SPEN: variants seen among roughly 807,000 people sequenced by gnomAD.
The protein encoded by SPEN is spen family transcriptional repressor.
A neutral mutation model predicts 269.9 loss-of-function variants in SPEN; 18 were observed. The observed-to-expected ratio is 0.07, with a 90% CI of 0.05 to 0.10. The LOEUF (loss-of-function observed/expected upper bound fraction) is 0.10. Ranked by LOEUF, SPEN falls within the 10% of genes least tolerant of loss-of-function variation. SPEN has a pLI of 1.00. For missense variants in SPEN, 3,822 were observed against 4,631.2 expected (o/e 0.83, Z 5.07); for synonymous variants, 1,726 against 1,765.7 (o/e 0.98, Z 0.56).
chr1:15,875,707 T>G (rs986614607), intron 2 of SPEN, among the ~76,000 whole-genome samples: 1 of 152,224 alleles, frequency 6.6e-6, no homozygotes, highest in Non-Finnish European at 1.5e-5. Context: ...TTTTCTGGAC[T>G]TCTTGAAAGT....
chr1:15,895,050 G>A (rs1372508695), intron 3 of SPEN, among the ~76,000 whole-genome samples: 2 of 152,010 alleles, frequency 1.3e-5, no homozygotes, highest in Non-Finnish European at 2.9e-5. Flanking sequence ...AGCCTCCTGA[G>A]TAGCTGGGAA....
intron 11 of SPEN, 110 bp downstream of exon 11, chr1:15,936,376 T>TA: frequency 7.2e-7 from 1 of 1,398,456 alleles, no homozygotes; most frequent in Non-Finnish European, 9.3e-7. Flanking sequence ...TGTGGTGGCT[T>TA]ATGCCTGTAA....
intron 3 of SPEN, among the ~76,000 whole-genome samples, chr1:15,892,259 C>T (rs966094511): frequency 1.3e-5 from 2 of 152,044 alleles, no homozygotes; most frequent in African/African-American, 4.8e-5. Flanking sequence ...CTCCTGACCT[C>T]GTGATCCGCC....
intron 1 of SPEN, among the ~76,000 whole-genome samples, chr1:15,852,945 C>T (rs369826775): frequency 3.7e-4 from 56 of 152,296 alleles, no homozygotes; most frequent in Middle Eastern, 3.4e-3. Context: ...CAGCCTTGAC[C>T]TCCCAAGCTC....
At chr1:15,857,863 C>G (rs1030545045) in intron 1 of SPEN, among the ~76,000 whole-genome samples, 1 of 151,988 alleles carries the variant, frequency 6.6e-6, no homozygotes, top group Non-Finnish European at 1.5e-5. Flanking sequence ...GGTCCAGTGG[C>G]TCACACCTGT....
intron 1 of SPEN, among the ~76,000 whole-genome samples, chr1:15,855,888 T>G (rs944378256): frequency 6.6e-6 from 1 of 151,630 alleles, no homozygotes; most frequent in Non-Finnish European, 1.5e-5. Flanking sequence ...TTATGCTGTT[T>G]GCAGTGAAGG....
intron 1 of SPEN, among the ~76,000 whole-genome samples, chr1:15,852,157 G>A (rs2070342353): frequency 6.6e-6 from 1 of 151,980 alleles, no homozygotes; most frequent in African/African-American, 2.4e-5. Context: ...TCCTTTTCCT[G>A]ACTACTAGGG....
intron 3 of SPEN, among the ~76,000 whole-genome samples, chr1:15,887,154 T>A (rs2070743475): frequency 6.6e-6 from 1 of 152,088 alleles, no homozygotes; most frequent in African/African-American, 2.4e-5. Flanking sequence ...TTTTGTATTT[T>A]TTGTAGAGAT....
intron 11 of SPEN, among the ~76,000 whole-genome samples, chr1:15,936,767 T>C (rs2071279336): frequency 6.6e-6 from 1 of 152,146 alleles, no homozygotes; most frequent in African/African-American, 2.4e-5. Flanking sequence ...TGAAACTCTG[T>C]CCCTACTTAA....
Position 15,929,280 on chromosome 1 carries a change from G to C in SPEN, c.3040G>C (p.Val1014Leu). 6.2e-7 allele frequency: 1 copy of C among 1,614,144 alleles called. No homozygotes were observed. ...KSSPEMEDAR[V>L]LSKKQPDVSS... ...CAGTCCAGAGATGGAGGATGCTCGCGTGCTTTCAAAAAAGCAGCCTGACGT... is the reference window on the plus strand; with the variant it reads ...CAGTCCAGAGATGGAGGATGCTCGCCTGCTTTCAAAAAAGCAGCCTGACGT... The change falls in exon 11 of 15, where the codon GTG (valine) becomes CTG (leucine). Residue 1014 changes from valine (V) to leucine (L), a missense_variant. By Grantham distance (32) the Val-to-Leu change is conservative. Transcript: ENST00000375759. This position sits in a 1 kb window ranked among gnomAD's most constrained non-coding sequence, Gnocchi z 5.8.
chr1:15,911,471 T>G (rs2071011485), intron 5 of SPEN, among the ~76,000 whole-genome samples, 170 bp downstream of exon 5: 1 of 152,198 alleles, frequency 6.6e-6, no homozygotes, highest in African/African-American at 2.4e-5. Flanking sequence ...TTGTTCAACT[T>G]AATAAAAAAC....
chr1:15,881,684 G>T (rs540251078), intron 3 of SPEN, among the ~76,000 whole-genome samples: 3 of 152,304 alleles, frequency 2.0e-5, no homozygotes, highest in Admixed American at 6.5e-5. Context: ...CAAGTGTACA[G>T]AAATAATCCT....
Position 15,848,092 on chromosome 1 carries a change from TG to T in SPEN, c.28del (p.Val10TrpfsTer88). 1 of 1,481,544 alleles carries T rather than the reference TG, an allele frequency of 6.7e-7. No homozygotes were observed. The highest frequency in any genetic ancestry group is 9.0e-7 in the Non-Finnish European group (1 of 1,106,260). The allele number at this position is 1,481,544 out of a possible 1,614,324, so 91.8% of individuals were successfully genotyped here. MVRETRHL[W>X]VGNLPENVRE... ...CATGGTCCGGGAAACCAGGCATCTC[TG>T]GGTGGGCAACTTACCCGAGAACGTG... On this transcript the variant is annotated frameshift_variant, in exon 1 of 15. Coordinates refer to ENST00000375759, the MANE Select transcript of SPEN (RefSeq NM_015001.3). LOFTEE classifies it high-confidence loss of function. The surrounding 1 kb of genome is among the most constrained non-coding windows in gnomAD (Gnocchi z 5.1).
intron 13 of SPEN, 72 bp from the exon 14 acceptor site, chr1:15,938,646 T>TA: frequency 4.8e-6 from 7 of 1,462,754 alleles, no homozygotes; most frequent in Non-Finnish European, 6.4e-6. Context: ...GTGGACCTGA[T>TA]ACTGTGGGTT....
intron 3 of SPEN, among the ~76,000 whole-genome samples, chr1:15,887,427 G>T (rs914492492): frequency 6.6e-6 from 1 of 151,208 alleles, no homozygotes; most frequent in African/African-American, 2.4e-5. Flanking sequence ...GACCACAAGC[G>T]CCCGCCACCA....
At position 15,939,078 on chromosome 1, in the gene SPEN, G is replaced by A. The variant is rs1051339781; in HGVS notation, c.10863+202G>A. ...ACCCAGGGAACCGCTGAGAACACAG[G>A]TTTTCCATGAGTTTAAAGATAGGGC... On this transcript the variant is annotated intron_variant, in intron 14 of 14. Transcript: ENST00000375759. The surrounding 1 kb of genome is among the most constrained non-coding windows in gnomAD (Gnocchi z 4.1). 6.6e-6 allele frequency among the ~76,000 whole-genome samples: 1 copy of A among 152,182 alleles called. No individual in the cohort carries two copies. Among genetic ancestry groups the A allele is most frequent in the African/African-American group, 2.4e-5 (1 of 41,448 alleles).
chr1:15,891,577 C>T (rs2070789497), intron 3 of SPEN, among the ~76,000 whole-genome samples: 1 of 151,790 alleles, frequency 6.6e-6, no homozygotes, highest in South Asian at 2.1e-4. Context: ...GTCTTGATCT[C>T]CTGACCTCGT....
At chr1:15,858,376 C>T (rs2070407962) in intron 1 of SPEN, among the ~76,000 whole-genome samples, 1 of 152,156 alleles carries the variant, frequency 6.6e-6, no homozygotes, top group South Asian at 2.1e-4. Context: ...GATGTCCTTC[C>T]ACTCTAAATT....
chr1:15,864,621 T>C (rs940646280), intron 1 of SPEN, among the ~76,000 whole-genome samples: 12 of 147,468 alleles, frequency 8.1e-5, no homozygotes, highest in Non-Finnish European at 1.8e-4. Context: ...TTTTTTTTTT[T>C]TTTTTTTGAG....
Sources: allele counts gnomAD v4.1 joint callset (sites outside exome capture counted in the v4.1 genomes callset), GRCh38; gene constraint gnomAD v4.1.1; non-coding constraint Gnocchi (gnomAD v3.1); transcripts MANE v1.5; gene names NCBI Gene and HGNC (gene_info 2026-07-23, HGNC 2026-07-21).